HDAC9: variants seen among roughly 807,000 people sequenced by gnomAD.
The protein encoded by HDAC9 is histone deacetylase 9, also known as MEF-2 interacting transcription repressor (MITR) protein.
Under a neutral mutation model 139.4 loss-of-function variants are expected in HDAC9, and 41 were observed. The observed-to-expected ratio is 0.29, with a 90% confidence interval of 0.23 to 0.38. The LOEUF is 0.38. Among genes scored for constraint, HDAC9 ranks in the 10% least tolerant of loss-of-function variants. HDAC9 has a pLI of 1.00. For synonymous variants in HDAC9, 517 were observed against 476.2 expected, an observed-to-expected ratio of 1.09 and a Z score of -1.12; for missense variants, 1,147 against 1,297.0, an observed-to-expected ratio of 0.88 and a Z score of 1.78.
At chr7:18,943,919 G>C (rs1330774215) in intron 23 of HDAC9, among the ~76,000 whole-genome samples, 1 of 152,092 alleles carries the variant, frequency 6.6e-6, no homozygotes, top group Non-Finnish European at 1.5e-5. Context: ...TAGTTTGTCA[G>C]TGTAGTAACT....
intron 1 of HDAC9, among the ~76,000 whole-genome samples, chr7:18,309,363 G>A (rs962289956): frequency 3.3e-5 from 5 of 152,108 alleles, no homozygotes; most frequent in Non-Finnish European, 7.4e-5. Flanking sequence ...CTGATGAAAT[G>A]TTTTGACAAA....
chr7:18,353,444 T>G (rs1034161696), intron 1 of HDAC9, among the ~76,000 whole-genome samples: 3 of 152,176 alleles, frequency 2.0e-5, no homozygotes, highest in Non-Finnish European at 2.9e-5. Context: ...ATAGTCTTGT[T>G]ATACCACAAA....
At chr7:18,098,589 A>T (rs35732653) in intron 1 of HDAC9, among the ~76,000 whole-genome samples, 24,415 of 152,122 alleles carry the variant, frequency 0.16, 2,085 homozygotes, top group Admixed American at 0.21. Context: ...GTTCAGGGCG[A>T]TACACACAAA....
At chr7:18,136,920 T>A (rs1456022087) in intron 1 of HDAC9, among the ~76,000 whole-genome samples, 1 of 151,774 alleles carries the variant, frequency 6.6e-6, no homozygotes, top group Non-Finnish European at 1.5e-5. Flanking sequence ...ACGATATTGA[T>A]TCTTCCTATC....
In HDAC9 at chr7:19,002,018, G is replaced by C. The variant is rs1227371096; in HGVS notation, c.*5956G>C. 6.6e-6 allele frequency: 1 copy of C among 152,022 alleles called. No individual in the cohort carries two copies. Among genetic ancestry groups the C allele is most frequent in the Non-Finnish European group, 1.5e-5 (1 of 67,922 alleles). 9.4% of individuals were successfully genotyped at this position (152,022 alleles called of 1,614,324 possible). On this transcript the variant is annotated 3_prime_UTR_variant, in exon 26 of 26. Transcript: ENST00000686413. ...GATATCCGTTTCTGTAATAAGATCA[G>C]TTTGTTGTCCTCTGTGCACCAGTGG...
intron 1 of HDAC9, among the ~76,000 whole-genome samples, chr7:18,098,371 A>G (rs1182866991): frequency 1.3e-5 from 2 of 152,258 alleles, no homozygotes; most frequent in African/African-American, 2.4e-5. Flanking sequence ...TATAGAGGCT[A>G]TCTATGCAAA....
chr7:18,321,559 G>T lies in HDAC9; in HGVS notation c.-42+31044G>T, dbSNP rs191195272. On this transcript the variant is annotated intron_variant, in intron 1 of 3. Coordinates refer to the HDAC9 transcript ENST00000413509. ...TGTTATTGTGGAATTACAGGAATAAGAAAATTACATGGGAAAGTGGTTTAG... is the reference window on the plus strand; with the variant it reads ...TGTTATTGTGGAATTACAGGAATAATAAAATTACATGGGAAAGTGGTTTAG... Among the ~76,000 whole-genome samples the T allele has an allele frequency of 2.3e-4, 25 of 107,200 alleles. No homozygotes were observed. The East Asian group carries it at 7.3e-3, about 31-fold the overall frequency. 70.3% of individuals were successfully genotyped at this position (107,200 alleles called of 152,430 possible).
chr7:18,835,627 T>G (rs1054526567), intron 20 of HDAC9, 41 bp downstream of exon 20: 1 of 1,612,108 alleles, frequency 6.2e-7, no homozygotes, highest in Admixed American at 1.7e-5. Context: ...TATTTGTATC[T>G]TTCAGGTAAT....
At chr7:18,242,717 A>T (rs1794263892) in intron 2 of HDAC9, among the ~76,000 whole-genome samples, 1 of 152,070 alleles carries the variant, frequency 6.6e-6, no homozygotes, top group Admixed American at 6.5e-5. Flanking sequence ...TCTGCCTTCT[A>T]CTTTTTTCTA....
At chr7:18,390,899 G>A (rs1290919365) in intron 1 of HDAC9, among the ~76,000 whole-genome samples, 4 of 152,114 alleles carry the variant, frequency 2.6e-5, no homozygotes, top group Non-Finnish European at 5.9e-5. Flanking sequence ...GACCATCCTG[G>A]CTAACATGAT....
rs150067220 is a variant in HDAC9 at position 18,591,652 on chromosome 7, G to C, written c.542+10G>C. 8.1e-6 allele frequency: 13 copies of C among 1,611,984 alleles called. 1 individual carries two copies. In the Admixed American group the frequency reaches 2.2e-4, roughly 27 times the overall value. On this transcript the variant is annotated intron_variant, in intron 5 of 25. Coordinates refer to ENST00000686413, the MANE Select transcript of HDAC9 (RefSeq NM_178425.4). The stretch of plus-strand genomic sequence containing the variant: ...CCAAGCTCTGGTACACGTATGTTCA[G>C]TGTTTGGCTGTTTTCATTCCTGGGG...
chr7:18,331,501 T>A (rs1800916184), intron 1 of HDAC9, among the ~76,000 whole-genome samples: 1 of 151,640 alleles, frequency 6.6e-6, no homozygotes, highest in Non-Finnish European at 1.5e-5. Context: ...AAATGTAACT[T>A]TTTGACCCTG....
intron 2 of HDAC9, among the ~76,000 whole-genome samples, chr7:18,573,851 C>T (rs1374300217): frequency 6.6e-6 from 1 of 152,144 alleles, no homozygotes; most frequent in Non-Finnish European, 1.5e-5. Flanking sequence ...TGTCACAGCC[C>T]CCTGGCTCAG....
intron 1 of HDAC9, among the ~76,000 whole-genome samples, chr7:18,131,512 T>A (rs1459251254): frequency 6.6e-6 from 1 of 152,190 alleles, no homozygotes; most frequent in Non-Finnish European, 1.5e-5. Context: ...TCTTCATTTG[T>A]TTTTGGCTAG....
At chr7:18,403,753 T>C (rs551234864) in intron 1 of HDAC9, among the ~76,000 whole-genome samples, 2 of 152,352 alleles carry the variant, frequency 1.3e-5, no homozygotes, top group African/African-American at 4.8e-5. Flanking sequence ...GCCTTTTGAG[T>C]TCTTGCTTTA....
chr7:18,529,618 T>G (rs1024886433), intron 2 of HDAC9, among the ~76,000 whole-genome samples: 4 of 152,218 alleles, frequency 2.6e-5, no homozygotes, highest in Admixed American at 2.0e-4. Context: ...TTGTGTGTAT[T>G]TCGTGTATTT....
chr7:18,167,908 G>A (rs1788116520), intron 2 of HDAC9, among the ~76,000 whole-genome samples: 1 of 152,088 alleles, frequency 6.6e-6, no homozygotes, highest in Non-Finnish European at 1.5e-5. Context: ...CTTACCAAGA[G>A]GTGCAGTATT....
At position 18,373,853 on chromosome 7, in the gene HDAC9, T is replaced by A. The variant is rs1408374559; in HGVS notation, c.-42+83338T>A. The stretch of plus-strand genomic sequence containing the variant: ...CTTTTAAAGAGAAACAGTAGACTTA[T>A]ACTTGTGACTCCAGTTTTTTTTGTG... On this transcript the variant is annotated intron_variant, in intron 1 of 3. Transcript: ENST00000413509. 4.6e-5 allele frequency among the ~76,000 whole-genome samples: 7 copies of A among 152,320 alleles called. No individual in the cohort carries two copies. In the East Asian group the frequency reaches 7.7e-4, roughly 17 times the overall value.
At chr7:18,682,180 A>G (rs954767142) in intron 12 of HDAC9, among the ~76,000 whole-genome samples, 12 of 152,028 alleles carry the variant, frequency 7.9e-5, no homozygotes, top group African/African-American at 2.9e-4. Context: ...TATAAATCTT[A>G]CTTACAAACC....
Sources: allele counts gnomAD v4.1 joint callset (sites outside exome capture counted in the v4.1 genomes callset), GRCh38; gene constraint gnomAD v4.1.1; transcripts MANE v1.5; gene names NCBI Gene and HGNC (gene_info 2026-07-23, HGNC 2026-07-21).